The following ACSL4 variants were observed in gnomAD, a reference collection of about 807,000 sequenced individuals.
ACSL4 encodes acyl-CoA synthetase long chain family member 4, also known as long-chain-fatty-acid--CoA ligase 4.
In ACSL4, 9 loss-of-function variants were observed where a neutral mutation model predicts 49.1. The ratio of observed to expected loss-of-function variants is 0.18; its 90% CI spans 0.11 to 0.32. The LOEUF is 0.32. ACSL4 is among the 10% of genes least tolerant of loss of function. The pLI, the probability that ACSL4 is intolerant of heterozygous loss-of-function variation, is 1.00. For synonymous variants in ACSL4, 191 were observed against 170.3 expected, an observed-to-expected ratio of 1.12 and a Z score of -0.95; for missense variants, 333 against 493.7, an observed-to-expected ratio of 0.67 and a Z score of 3.08.
At chrX:109,703,887 G>A (rs1274980763) in intron 1 of ACSL4, among the ~76,000 whole-genome samples, 1 of 110,042 alleles carries the variant, frequency 9.1e-6, no homozygotes, top group Non-Finnish European at 1.9e-5. Context: ...AGCCGAGATT[G>A]CACCACTGCA....
intron 1 of ACSL4, among the ~76,000 whole-genome samples, chrX:109,707,964 A>G (rs886843801): frequency 7.2e-5 from 8 of 111,170 alleles, no homozygotes; most frequent in African/African-American, 2.6e-4. Flanking sequence ...TTTTTTATTG[A>G]GACAAGGTCT....
intron 2 of ACSL4, among the ~76,000 whole-genome samples, chrX:109,688,253 T>A (rs2147462405): frequency 8.9e-6 from 1 of 111,761 alleles, no homozygotes; most frequent in African/African-American, 3.2e-5. Context: ...CCACATGCTG[T>A]TTTCTCTCCT....
chrX:109,698,734 T>C (rs1925642290), intron 1 of ACSL4, among the ~76,000 whole-genome samples: 1 of 111,460 alleles, frequency 9.0e-6, no homozygotes, highest in South Asian at 3.7e-4. Flanking sequence ...CAAAACAAAG[T>C]CCACGCAGCT....
rs750858515 is a variant in ACSL4 at position 109,681,257 on chromosome X, C to A, written c.516+9G>T. 5.8e-6 allele frequency: 7 copies of A among 1,201,608 alleles called. No homozygotes were observed. The South Asian group carries it at 1.2e-4, about 21-fold the overall frequency. ...GCAACCATGAATTAAAAGAAAATTTCATATTTACCTTAAGTTTACTTTCCA... is the reference window on the plus strand; with the variant it reads ...GCAACCATGAATTAAAAGAAAATTTAATATTTACCTTAAGTTTACTTTCCA... On this transcript the variant is annotated intron_variant, in intron 5 of 15. Coordinates refer to ENST00000672401, the MANE Select transcript of ACSL4 (RefSeq NM_001318510.2).
At chrX:109,647,169 G>A (rs1406945274) in intron 15 of ACSL4, among the ~76,000 whole-genome samples, 1 of 110,894 alleles carries the variant, frequency 9.0e-6, no homozygotes, top group Non-Finnish European at 1.9e-5. Context: ...TGCACCAAGT[G>A]GACCTAATAG....
At chrX:109,693,869 C>A (rs1350712550) in intron 2 of ACSL4, among the ~76,000 whole-genome samples, 4 of 111,219 alleles carry the variant, frequency 3.6e-5, no homozygotes, top group African/African-American at 1.3e-4. Context: ...TTTTTCCCTT[C>A]CAAATCTAGA....
chrX:109,670,808 G>T (rs1923128633), intron 9 of ACSL4, among the ~76,000 whole-genome samples: 2 of 112,274 alleles, frequency 1.8e-5, no homozygotes, highest in Admixed American at 1.9e-4. Context: ...GTATTTTTTG[G>T]TGGAGACGGG....
At chrX:109,701,966 T>C (rs1416140263) in intron 1 of ACSL4, among the ~76,000 whole-genome samples, 1 of 102,970 alleles carries the variant, frequency 9.7e-6, no homozygotes, top group African/African-American at 3.5e-5. Flanking sequence ...TCCCAACACT[T>C]TGGGAGGCCG....
chrX:109,643,871 C>A lies in ACSL4; in HGVS notation c.*158G>T. 1.6e-6 allele frequency: 1 copy of A among 614,093 alleles called. No homozygotes were observed. The highest frequency in any genetic ancestry group is 3.5e-4 in the Middle Eastern group (1 of 2,820). 50.6% of individuals were successfully genotyped at this position (614,093 alleles called of 1,213,427 possible). On this transcript the variant is annotated 3_prime_UTR_variant, in exon 16 of 16. Transcript: ENST00000672401. Reference sequence around the variant, plus strand: ...TATGCAAAACTAAGTTAAAGTAAACCGGACAACAATTTTAATAACTTTTGG... The same window carrying A: ...TATGCAAAACTAAGTTAAAGTAAACAGGACAACAATTTTAATAACTTTTGG...
At chrX:109,682,594 A>C in intron 4 of ACSL4, 125 bp downstream of exon 4, 1 of 768,534 alleles carries the variant, frequency 1.3e-6, no homozygotes. Flanking sequence ...ATGCCGTATT[A>C]TGGACATAAT....
chrX:109,708,505 G>A lies in ACSL4; in HGVS notation c.-65-12309C>T, dbSNP rs181473623. Among the ~76,000 whole-genome samples the A allele has an allele frequency of 3.6e-5, 4 of 111,852 alleles. No individual in the cohort carries two copies. The East Asian group carries it at 8.4e-4, about 23-fold the overall frequency. ...ACTAAGGAAAGCAGGTTAGATCTTC[G>A]GTTTTTAAATTAGGCTCAAAGCAAA... On this transcript the variant is annotated intron_variant, in intron 1 of 15. Coordinates refer to ENST00000672401, the MANE Select transcript of ACSL4 (RefSeq NM_001318510.2).
intron 9 of ACSL4, among the ~76,000 whole-genome samples, chrX:109,673,048 G>C (rs1470157632): frequency 2.7e-5 from 3 of 111,880 alleles, no homozygotes; most frequent in East Asian, 5.6e-4. Flanking sequence ...ACAAAGTAAA[G>C]CAGGGAAGAA....
In ACSL4 at chrX:109,683,211, C is replaced by A. The variant is rs1274574208; in HGVS notation, c.153G>T (p.Lys51Asn). Reference sequence around the variant, plus strand: ...TTTCCCTGGTCCCAAGGCTGTCCTTCTTCCCAAACTTGGATACAGCATGGT... The same window carrying A: ...TTTCCCTGGTCCCAAGGCTGTCCTTATTCCCAAACTTGGATACAGCATGGT... ...LFDHAVSKFG[K>N]KDSLGTREIL... Residue 51 changes from lysine (K) to asparagine (N), a missense_variant, in exon 3 of 16, where the codon AAG (lysine) becomes AAT (asparagine). By Grantham distance (94) the Lys-to-Asn change is moderately conservative (BLOSUM62 0). This residue lies in a region of ACSL4 where 157 missense variants were observed against 201.1 expected (regional missense o/e 0.78). Transcript: ENST00000672401. 3 of 1,211,807 alleles carry A rather than the reference C, an allele frequency of 2.5e-6. No individual in the cohort carries two copies. In the Admixed American group the frequency reaches 6.5e-5, roughly 26 times the overall value.
chrX:109,678,747 G>A (rs142962434), intron 6 of ACSL4, among the ~76,000 whole-genome samples: 2 of 112,356 alleles, frequency 1.8e-5, no homozygotes, highest in African/African-American at 3.2e-5. Context: ...GGAGGACTGG[G>A]TGAGCCTAGC....
rs1356659059 is a variant in ACSL4 at position 109,643,537 on chromosome X, T to A, written c.*492A>T. The A allele has an allele frequency of 2.5e-5, 3 of 119,175 alleles. No individual in the cohort carries two copies. The highest frequency in any genetic ancestry group is 5.2e-5 in the Non-Finnish European group (3 of 57,366). The allele number at this position is 119,175 out of a possible 1,213,427, so 9.8% of individuals were successfully genotyped here. A position where few individuals can be genotyped will look rare whatever the true frequency, so the allele number is the denominator to read the frequency against. ...TTTGTGTATTATATTACTATTGAAT[T>A]TTTCCTTCAAGATAAATGGTTGGAA... On this transcript the variant is annotated 3_prime_UTR_variant, in exon 16 of 16. Transcript: ENST00000672401.
chrX:109,689,132 A>G (rs760776463), intron 2 of ACSL4, among the ~76,000 whole-genome samples: 6 of 111,043 alleles, frequency 5.4e-5, no homozygotes, highest in Non-Finnish European at 1.1e-4. Flanking sequence ...AAAACCTTAG[A>G]TTCACCCTTT....
chrX:109,673,335 C>A (rs1263529366), intron 9 of ACSL4, among the ~76,000 whole-genome samples: 2 of 111,623 alleles, frequency 1.8e-5, no homozygotes, highest in African/African-American at 6.5e-5. Context: ...GGCAACTTTC[C>A]TTCTTTATAA....
rs772436560 is a variant in ACSL4 at position 109,705,467 on chromosome X, T to C, written c.-65-9271A>G. Among the ~76,000 whole-genome samples, 7 of 112,569 alleles carry C rather than the reference T, an allele frequency of 6.2e-5. No homozygotes were observed. The South Asian group carries it at 2.5e-3, about 41-fold the overall frequency. On this transcript the variant is annotated intron_variant, in intron 1 of 15. Coordinates refer to ENST00000672401, the MANE Select transcript of ACSL4 (RefSeq NM_001318510.2). ...TTTGACATTTTGTCTGTGTGGTTTATTCTGCCTATTTGCTTCCTTTACCTG... is the reference window on the plus strand; with the variant it reads ...TTTGACATTTTGTCTGTGTGGTTTACTCTGCCTATTTGCTTCCTTTACCTG...
intron 8 of ACSL4, among the ~76,000 whole-genome samples, chrX:109,677,298 G>C (rs932749076): frequency 1.8e-5 from 2 of 109,645 alleles, no homozygotes; most frequent in Non-Finnish European, 3.8e-5. Context: ...AGTGGCTACT[G>C]TATCAGACGG....
Sources: allele counts gnomAD v4.1 joint callset (sites outside exome capture counted in the v4.1 genomes callset), GRCh38; gene constraint gnomAD v4.1.1; regional missense constraint gnomAD v4.1.1; transcripts MANE v1.5; gene names NCBI Gene and HGNC (gene_info 2026-07-23, HGNC 2026-07-21).